CTNNA3: variants seen among roughly 807,000 people sequenced by gnomAD.
CTNNA3 encodes the protein catenin alpha-3.
A neutral mutation model predicts 95.7 loss-of-function variants in CTNNA3; 76 were observed. That is an observed-to-expected ratio of 0.79 (90% CI 0.66 to 0.96). The LOEUF is 0.96. CTNNA3 is among the 40% of genes least tolerant of loss of function. The pLI is 0.00. For synonymous variants in CTNNA3, 431 were observed against 374.4 expected, an observed-to-expected ratio of 1.15 and a Z score of -1.74; for missense variants, 1,191 against 1,089.8, an observed-to-expected ratio of 1.09 and a Z score of -1.31.
intron 15 of CTNNA3, among the ~76,000 whole-genome samples, chr10:66,066,418 G>C (rs1005794056): frequency 6.6e-6 from 1 of 152,084 alleles, no homozygotes; most frequent in Non-Finnish European, 1.5e-5. Flanking sequence ...TTATATGTGT[G>C]GAGAAAGAGA....
At chr10:67,456,951 C>T (rs1847196297) in intron 5 of CTNNA3, among the ~76,000 whole-genome samples, 2 of 152,038 alleles carry the variant, frequency 1.3e-5, no homozygotes, top group Admixed American at 1.3e-4. Flanking sequence ...AAAAACATAT[C>T]CTGGATTATT....
chr10:67,185,634 T>A (rs1194565483), intron 6 of CTNNA3, among the ~76,000 whole-genome samples: 2 of 152,154 alleles, frequency 1.3e-5, no homozygotes, highest in Non-Finnish European at 2.9e-5. Flanking sequence ...TTCATCTAAG[T>A]CTTCCTCCTT....
chr10:66,505,505 C>A (rs1258506026), intron 11 of CTNNA3, among the ~76,000 whole-genome samples: 1 of 152,076 alleles, frequency 6.6e-6, no homozygotes, highest in Non-Finnish European at 1.5e-5. Flanking sequence ...AAATCACTGT[C>A]TCTTAATTTT....
At chr10:67,485,429 C>G (rs909213453) in intron 5 of CTNNA3, among the ~76,000 whole-genome samples, 1 of 151,970 alleles carries the variant, frequency 6.6e-6, no homozygotes, top group African/African-American at 2.4e-5. Flanking sequence ...GAATCTTAGC[C>G]CAAACCTTAG....
rs548555914 is a variant in CTNNA3, at chr10:67,061,027, T to G, written c.1047+119290A>C. Among the ~76,000 whole-genome samples the G allele has an allele frequency of 7.9e-5, 12 of 152,216 alleles. No homozygotes were observed. In the South Asian group the frequency reaches 2.5e-3, roughly 32 times the overall value. On this transcript the variant is annotated intron_variant, in intron 7 of 17. Coordinates refer to ENST00000433211, the MANE Select transcript of CTNNA3 (RefSeq NM_013266.4). Reference sequence around the variant, plus strand: ...AGTCATGGGAACCTTCCTTAGTGACTCAATGAAATTTTATTTTAATACACT... The same window carrying G: ...AGTCATGGGAACCTTCCTTAGTGACGCAATGAAATTTTATTTTAATACACT...
intron 13 of CTNNA3, among the ~76,000 whole-genome samples, chr10:66,209,280 ATTC>A (rs1234513723): frequency 1.3e-5 from 2 of 152,186 alleles, no homozygotes; most frequent in African/African-American, 4.8e-5. Context: ...AAAAGACAAA[ATTC>A]TTAATCTCTT....
chr10:65,926,690 C>T lies in CTNNA3; in HGVS notation c.2401-6073G>A, dbSNP rs191010829. Reference sequence around the variant, plus strand: ...AGGGTTTCTCCATGTTGGTCAGGCTCGTCTTGAACTCCCAACCTTAGGTGA... The same window carrying T: ...AGGGTTTCTCCATGTTGGTCAGGCTTGTCTTGAACTCCCAACCTTAGGTGA... On this transcript the variant is annotated intron_variant, in intron 17 of 17. Coordinates refer to ENST00000433211, the MANE Select transcript of CTNNA3 (RefSeq NM_013266.4). Among the ~76,000 whole-genome samples, 25 of 152,014 alleles carry T rather than the reference C, an allele frequency of 1.6e-4. No individual in the cohort carries two copies. In the East Asian group the frequency reaches 4.3e-3, roughly 26 times the overall value.
At chr10:66,770,428 T>C (rs1006471204) in intron 8 of CTNNA3, among the ~76,000 whole-genome samples, 3 of 152,132 alleles carry the variant, frequency 2.0e-5, no homozygotes, top group Non-Finnish European at 4.4e-5. Flanking sequence ...AGCACTAAAA[T>C]CTGAAGTTAG....
intron 5 of CTNNA3, among the ~76,000 whole-genome samples, chr10:67,506,218 A>G (rs1785767648): frequency 6.6e-6 from 1 of 152,232 alleles, no homozygotes; most frequent in Non-Finnish European, 1.5e-5. Flanking sequence ...CTGTACATAC[A>G]CATACTCTTC....
intron 1 of CTNNA3, among the ~76,000 whole-genome samples, chr10:67,758,501 T>C (rs1481094455): frequency 1.3e-5 from 2 of 152,028 alleles, no homozygotes; most frequent in Non-Finnish European, 2.9e-5. Flanking sequence ...AAAATGGTGC[T>C]ATAATCATAA....
At chr10:67,265,019 A>G (rs1273840164) in intron 5 of CTNNA3, among the ~76,000 whole-genome samples, 2 of 152,204 alleles carry the variant, frequency 1.3e-5, no homozygotes, top group African/African-American at 2.4e-5. Context: ...TTCTTATGCT[A>G]TAAAAACATC....
At chr10:67,055,284 C>A (rs1470674555) in intron 7 of CTNNA3, among the ~76,000 whole-genome samples, 1 of 152,150 alleles carries the variant, frequency 6.6e-6, no homozygotes, top group Non-Finnish European at 1.5e-5. Flanking sequence ...TAAAACTTCT[C>A]ATAATTTCCC....
At position 67,140,232 on chromosome 10, in the gene CTNNA3, T is replaced by G. The variant is rs532977980; in HGVS notation, c.1047+40085A>C. ...TTAAAATTGGTAAGTCATCACTTCT[T>G]TATAAGATGGTTTTATTTGTAGGTC... is the stretch of plus-strand genomic sequence containing the variant. On this transcript the variant is annotated intron_variant, in intron 7 of 17. Transcript: ENST00000433211. Among the ~76,000 whole-genome samples, 11 of 152,294 alleles carry G rather than the reference T, an allele frequency of 7.2e-5. No homozygotes were observed. In the East Asian group the frequency reaches 2.1e-3, roughly 29 times the overall value.
intron 12 of CTNNA3, among the ~76,000 whole-genome samples, chr10:66,281,009 C>T (rs935055530): frequency 2.6e-5 from 4 of 151,652 alleles, no homozygotes; most frequent in Non-Finnish European, 4.4e-5. Context: ...GTGTGTAAAA[C>T]AGTTGGAATT....
intron 7 of CTNNA3, chr10:66,926,034 G>T: frequency 2.2e-6 from 1 of 456,898 alleles, no homozygotes; most frequent in Non-Finnish European, 4.4e-6. Flanking sequence ...TGAAACCAAA[G>T]CAACAGTCCG....
intron 7 of CTNNA3, among the ~76,000 whole-genome samples, chr10:67,056,135 C>T (rs189407827): frequency 6.6e-6 from 1 of 152,170 alleles, no homozygotes; most frequent in Admixed American, 6.6e-5. Context: ...CTACCTACAG[C>T]CTGAAATACA....
intron 7 of CTNNA3, among the ~76,000 whole-genome samples, chr10:66,947,404 G>C (rs1045446031): frequency 6.6e-6 from 1 of 152,036 alleles, no homozygotes. Flanking sequence ...TATATCACAA[G>C]GTATTTTCTT....
chr10:67,186,510 C>A (rs1207956575), intron 6 of CTNNA3, among the ~76,000 whole-genome samples: 1 of 152,218 alleles, frequency 6.6e-6, no homozygotes, highest in Admixed American at 6.5e-5. Flanking sequence ...CCTGAAACAA[C>A]TGTCCTACTA....
chr10:65,958,219 T>C (rs2077771599), intron 17 of CTNNA3, among the ~76,000 whole-genome samples: 1 of 152,210 alleles, frequency 6.6e-6, no homozygotes, highest in Non-Finnish European at 1.5e-5. Flanking sequence ...TCTCGTGCCA[T>C]GGTTTTCAGC....
Sources: gnomAD v4.1 joint callset for allele counts (sites outside exome capture counted in the v4.1 genomes callset) on GRCh38, gnomAD v4.1.1 for gene constraint, MANE v1.5 for transcripts, NCBI Gene and HGNC (gene_info 2026-07-23, HGNC 2026-07-21) for gene names.